Variants in CCDC178 observed in about 807,000 individuals in gnomAD.
CCDC178 encodes coiled-coil domain containing 178, also known as coiled-coil domain-containing protein 178.
Under a neutral mutation model 117.4 loss-of-function variants are expected in CCDC178, and 126 were observed. The observed-to-expected ratio is 1.07, with a 90% CI of 0.93 to 1.24. The LOEUF (loss-of-function observed/expected upper bound fraction) is 1.24. Among genes scored for constraint, CCDC178 ranks in the 50% most tolerant of loss-of-function variants. The pLI, the probability that CCDC178 is intolerant of heterozygous loss-of-function variation, is 0.00. For synonymous variants in CCDC178, 283 were observed against 313.4 expected (o/e 0.90, Z 1.02); for missense variants, 1,030 against 986.9 (o/e 1.04, Z -0.59).
intron 10 of CCDC178, among the ~76,000 whole-genome samples, chr18:33,325,061 G>A (rs991453228): frequency 6.6e-6 from 1 of 151,140 alleles, no homozygotes. Context: ...TCATTTTATT[G>A]TCCTATTACA....
chr18:33,350,109 G>A (rs1028449963), intron 7 of CCDC178, among the ~76,000 whole-genome samples: 2 of 151,690 alleles, frequency 1.3e-5, no homozygotes, highest in African/African-American at 4.8e-5. Context: ...TTAAAAAATT[G>A]AAAAATAATT....
At chr18:33,288,933 G>A (rs2060134062) in intron 12 of CCDC178, among the ~76,000 whole-genome samples, 1 of 152,188 alleles carries the variant, frequency 6.6e-6, no homozygotes, top group Non-Finnish European at 1.5e-5. Flanking sequence ...CAGAGGGAAA[G>A]TGGGAGCAAG....
chr18:33,113,772 C>T (rs2057815262), intron 20 of CCDC178, among the ~76,000 whole-genome samples: 1 of 152,018 alleles, frequency 6.6e-6, no homozygotes, highest in African/African-American at 2.4e-5. Flanking sequence ...GGACTGCATG[C>T]AAGGGACACT....
intron 20 of CCDC178, among the ~76,000 whole-genome samples, chr18:33,154,252 T>C (rs1471701537): frequency 2.0e-5 from 3 of 152,072 alleles, no homozygotes; most frequent in Non-Finnish European, 4.4e-5. Context: ...TGACTCAGCT[T>C]TTTCTTGGAA....
At chr18:33,324,557 C>G (rs928634581) in intron 10 of CCDC178, among the ~76,000 whole-genome samples, 1 of 151,844 alleles carries the variant, frequency 6.6e-6, no homozygotes, top group Non-Finnish European at 1.5e-5. Flanking sequence ...AGAAGAAAGC[C>G]TATGTTCCAA....
chr18:33,184,084 G>T (rs1342242654), intron 20 of CCDC178, among the ~76,000 whole-genome samples: 4 of 151,998 alleles, frequency 2.6e-5, no homozygotes, highest in African/African-American at 9.7e-5. Context: ...TTGAACTGTA[G>T]ATTTGGATTT....
At chr18:33,079,191 C>G (rs895621312) in intron 21 of CCDC178, among the ~76,000 whole-genome samples, 2 of 152,100 alleles carry the variant, frequency 1.3e-5, no homozygotes, top group Admixed American at 1.3e-4. Flanking sequence ...ACCCCCTATT[C>G]AATAAATGGT....
intron 6 of CCDC178, among the ~76,000 whole-genome samples, chr18:33,362,895 TG>T (rs1292952463): frequency 5.3e-5 from 8 of 151,958 alleles, no homozygotes; most frequent in African/African-American, 1.9e-4. Context: ...CACTTAAAAA[TG>T]GTTAATTTTA....
At chr18:33,259,042 T>C (rs2059711832) in intron 14 of CCDC178, among the ~76,000 whole-genome samples, 1 of 152,064 alleles carries the variant, frequency 6.6e-6, no homozygotes, top group African/African-American at 2.4e-5. Context: ...GGGGAAATGA[T>C]GACATAGGCC....
chr18:33,167,213 C>T (rs2144406455), intron 20 of CCDC178, among the ~76,000 whole-genome samples: 1 of 152,220 alleles, frequency 6.6e-6, no homozygotes, highest in South Asian at 2.1e-4. Flanking sequence ...CATCTCTTTA[C>T]TATTGTTAAT....
chr18:33,060,412 T>C (rs1016191973), intron 21 of CCDC178, among the ~76,000 whole-genome samples: 1 of 152,142 alleles, frequency 6.6e-6, no homozygotes, highest in East Asian at 1.9e-4. Context: ...GATATAAACA[T>C]TGTCTTGTCT....
At chr18:33,052,063 T>C (rs528205337) in intron 21 of CCDC178, among the ~76,000 whole-genome samples, 1 of 152,296 alleles carries the variant, frequency 6.6e-6, no homozygotes, top group East Asian at 1.9e-4. Flanking sequence ...AGCCTTCCAC[T>C]GTCACAGTCA....
chr18:32,939,290 T>A (rs2144580068), intron 22 of CCDC178, among the ~76,000 whole-genome samples: 1 of 151,974 alleles, frequency 6.6e-6, no homozygotes, highest in Non-Finnish European at 1.5e-5. Context: ...GATACTTAAA[T>A]ATCATTTTCT....
intron 12 of CCDC178, among the ~76,000 whole-genome samples, chr18:33,279,706 T>C (rs2059996906): frequency 6.6e-6 from 1 of 152,140 alleles, no homozygotes; most frequent in Non-Finnish European, 1.5e-5. Context: ...CAAACTATAC[T>C]ACAAGCTACA....
At chr18:32,977,295 T>C (rs1315262354) in intron 21 of CCDC178, among the ~76,000 whole-genome samples, 1 of 152,150 alleles carries the variant, frequency 6.6e-6, no homozygotes, top group Non-Finnish European at 1.5e-5. Context: ...TCTCTGATAT[T>C]TTAGCAGTCA....
At chr18:33,375,656 T>C (rs893299545) in intron 5 of CCDC178, among the ~76,000 whole-genome samples, 5 of 152,166 alleles carry the variant, frequency 3.3e-5, no homozygotes, top group African/African-American at 1.2e-4. Flanking sequence ...ATTTGTATGA[T>C]CAGACATAGA....
chr18:33,205,786 C>T (rs1289154778), intron 20 of CCDC178, among the ~76,000 whole-genome samples: 3 of 152,192 alleles, frequency 2.0e-5, no homozygotes, highest in Non-Finnish European at 4.4e-5. Flanking sequence ...CCTCAACCTC[C>T]CGGGCTCAGG....
chr18:33,237,506 C>G (rs1314398794), intron 15 of CCDC178, among the ~76,000 whole-genome samples: 1 of 152,176 alleles, frequency 6.6e-6, no homozygotes, highest in Non-Finnish European at 1.5e-5. Context: ...GCCAGCTGAT[C>G]AGCTTTGTGC....
At chr18:33,400,746 T>A (rs1056581893) in intron 3 of CCDC178, among the ~76,000 whole-genome samples, 2 of 152,216 alleles carry the variant, frequency 1.3e-5, no homozygotes, top group Non-Finnish European at 2.9e-5. Context: ...TTTTGATTTA[T>A]CATTCCTGTG....
Sources: allele counts gnomAD v4.1 joint callset (sites outside exome capture counted in the v4.1 genomes callset), GRCh38; gene constraint gnomAD v4.1.1; transcripts MANE v1.5; gene names NCBI Gene and HGNC (gene_info 2026-07-23, HGNC 2026-07-21).